The following RTN1 variants were observed in gnomAD, a reference collection of about 807,000 sequenced individuals.
RTN1 encodes the protein reticulon-1.
RTN1 carries 25 observed loss-of-function variants against 65.5 expected under a neutral mutation model. That is an observed-to-expected ratio of 0.38 (90% confidence interval 0.28 to 0.53). The LOEUF (loss-of-function observed/expected upper bound fraction) is 0.53, where lower values mean the gene tolerates loss of function less well. RTN1 is among the 20% of genes least tolerant of loss of function. The pLI is 0.79. For missense variants in RTN1, 983 were observed against 1,025.4 expected, an observed-to-expected ratio of 0.96 and a Z score of 0.57; for synonymous variants, 471 against 447.6, an observed-to-expected ratio of 1.05 and a Z score of -0.66.
chr14:59,753,853 C>T (rs902690683), intron 1 of RTN1, among the ~76,000 whole-genome samples: 1 of 152,158 alleles, frequency 6.6e-6, no homozygotes, highest in African/African-American at 2.4e-5. Flanking sequence ...CTAGACATTG[C>T]CACATAACCA....
chr14:59,818,105 T>C (rs1886855468), intron 1 of RTN1, among the ~76,000 whole-genome samples: 1 of 152,194 alleles, frequency 6.6e-6, no homozygotes, highest in African/African-American at 2.4e-5. Flanking sequence ...TTAGCTCCCA[T>C]TTATAAGTAA....
chr14:59,615,697 C>G (rs1882082768), intron 3 of RTN1, among the ~76,000 whole-genome samples: 1 of 152,058 alleles, frequency 6.6e-6, no homozygotes, highest in Non-Finnish European at 1.5e-5. Flanking sequence ...CGAATGCAAA[C>G]ATGAAATATG....
chr14:59,674,731 C>A (rs1488445042), intron 3 of RTN1, among the ~76,000 whole-genome samples: 2 of 152,010 alleles, frequency 1.3e-5, no homozygotes, highest in African/African-American at 4.8e-5. Flanking sequence ...AAAGAAAAAA[C>A]CTGGACATTG....
intron 1 of RTN1, among the ~76,000 whole-genome samples, chr14:59,856,260 G>C (rs1887606120): frequency 6.6e-6 from 1 of 152,156 alleles, no homozygotes; most frequent in African/African-American, 2.4e-5. Flanking sequence ...CATCTTTCTA[G>C]AGCAATCATG....
At chr14:59,812,267 G>C (rs968272926) in intron 1 of RTN1, among the ~76,000 whole-genome samples, 1 of 152,046 alleles carries the variant, frequency 6.6e-6, no homozygotes, top group South Asian at 2.1e-4. Flanking sequence ...GGAAAATGAG[G>C]GTAAAAGACA....
At chr14:59,750,467 A>AAT (rs368067344) in intron 1 of RTN1, among the ~76,000 whole-genome samples, 1 of 63,952 alleles carries the variant, frequency 1.6e-5, no homozygotes, top group Admixed American at 3.0e-4. Flanking sequence ...ATATATCTAT[A>AAT]ATATATAATA....
Position 59,816,557 on chromosome 14 carries a change from C to T in RTN1, c.241+53833G>A, listed in dbSNP as rs1886825061. 6.6e-6 allele frequency among the ~76,000 whole-genome samples: 1 copy of T among 152,202 alleles called. No individual in the cohort carries two copies. The highest frequency in any genetic ancestry group is 6.5e-5 in the Admixed American group (1 of 15,300). On this transcript the variant is annotated intron_variant, in intron 1 of 8. Coordinates refer to ENST00000267484, the MANE Select transcript of RTN1 (RefSeq NM_021136.3). The surrounding 1 kb of genome is among the most constrained non-coding windows in gnomAD (Gnocchi z 4.3). ...GAGTTTTGAGATGGAGGATTCAAACCAGGAAATCAGGCTGTGATCAACATC... is the reference window on the plus strand; with the variant it reads ...GAGTTTTGAGATGGAGGATTCAAACTAGGAAATCAGGCTGTGATCAACATC...
At chr14:59,740,302 G>T (rs1453854455) in intron 2 of RTN1, among the ~76,000 whole-genome samples, 1 of 152,114 alleles carries the variant, frequency 6.6e-6, no homozygotes, top group African/African-American at 2.4e-5. Context: ...GCTCAAAACT[G>T]CCCTCAGAAA....
chr14:59,678,042 T>C (rs1566682327), intron 3 of RTN1, among the ~76,000 whole-genome samples: 1 of 152,192 alleles, frequency 6.6e-6, no homozygotes, highest in East Asian at 1.9e-4. Flanking sequence ...TAGTCAAAGC[T>C]ATTTACAACA....
chr14:59,678,171 G>T (rs1883667760), intron 3 of RTN1, among the ~76,000 whole-genome samples: 1 of 152,166 alleles, frequency 6.6e-6, no homozygotes, highest in African/African-American at 2.4e-5. Context: ...CTGGGGTCTG[G>T]AGGATTTGGA....
At position 59,820,661 on chromosome 14, in the gene RTN1, G is replaced by A. The variant is rs964042740; in HGVS notation, c.241+49729C>T. ...CCCAGCACCATTTATTGAATAGAGTGCTTTCCCCATTGCATGTTGTATTAG... is the reference window on the plus strand; with the variant it reads ...CCCAGCACCATTTATTGAATAGAGTACTTTCCCCATTGCATGTTGTATTAG... On this transcript the variant is annotated intron_variant, in intron 1 of 8. Transcript: ENST00000267484. Among the ~76,000 whole-genome samples the A allele has an allele frequency of 1.2e-4, 18 of 152,156 alleles. 1 individual carries two copies. The highest frequency in any genetic ancestry group is 8.5e-4 in the Admixed American group (13 of 15,282).
intron 2 of RTN1, among the ~76,000 whole-genome samples, chr14:59,736,426 A>C (rs1220252491): frequency 1.3e-5 from 2 of 152,210 alleles, no homozygotes; most frequent in East Asian, 3.8e-4. Context: ...AAAATCTAGA[A>C]GAAATGGATA....
chr14:59,630,948 A>G lies in RTN1; in HGVS notation c.1766-23456T>C, dbSNP rs901891825. ...TTGACTCCCAGAATATGCGAGGTGC[A>G]TATTCTAGAAATTTCTGAGAAACCC... On this transcript the variant is annotated intron_variant, in intron 3 of 8. Transcript: ENST00000267484. 74 of 599,024 alleles carry G rather than the reference A, an allele frequency of 1.2e-4. 1 individual carries two copies. The African/African-American group carries it at 1.4e-3, about 11-fold the overall frequency. 37.1% of individuals were successfully genotyped at this position (599,024 alleles called of 1,614,324 possible). A position where few individuals can be genotyped will look rare whatever the true frequency, so the allele number is the denominator to read the frequency against.
intron 3 of RTN1, among the ~76,000 whole-genome samples, chr14:59,712,347 A>G (rs931902172): frequency 6.6e-6 from 1 of 152,224 alleles, no homozygotes; most frequent in Non-Finnish European, 1.5e-5. Flanking sequence ...TTATATCCAC[A>G]TATTATATTC....
At chr14:59,791,277 A>G (rs914443301) in intron 1 of RTN1, among the ~76,000 whole-genome samples, 2 of 152,122 alleles carry the variant, frequency 1.3e-5, no homozygotes, top group Admixed American at 6.6e-5. Flanking sequence ...CTGTCAAGAC[A>G]ATATAATTGT....
chr14:59,826,403 C>T (rs1194514017), intron 1 of RTN1, among the ~76,000 whole-genome samples: 2 of 152,162 alleles, frequency 1.3e-5, no homozygotes, highest in African/African-American at 4.8e-5. Flanking sequence ...GCACTCCATA[C>T]CTGTTAATGA....
intron 1 of RTN1, among the ~76,000 whole-genome samples, chr14:59,821,141 G>A (rs1594755910): frequency 1.3e-5 from 2 of 152,192 alleles, no homozygotes; most frequent in Admixed American, 6.5e-5. Context: ...TCCTGTGCAT[G>A]ATCATGAAAT....
chr14:59,855,585 T>C (rs1887589737), intron 1 of RTN1, among the ~76,000 whole-genome samples: 1 of 152,238 alleles, frequency 6.6e-6, no homozygotes, highest in African/African-American at 2.4e-5. Flanking sequence ...TAATATGGTG[T>C]CGATTGTCTT....
intron 3 of RTN1, among the ~76,000 whole-genome samples, chr14:59,687,176 C>T (rs1309648616): frequency 6.6e-6 from 1 of 152,228 alleles, no homozygotes; most frequent in African/African-American, 2.4e-5. Flanking sequence ...GTGTCCCAGC[C>T]TGCTCCCCTG....
Sources: gnomAD v4.1 joint callset for allele counts (sites outside exome capture counted in the v4.1 genomes callset) on GRCh38, gnomAD v4.1.1 for gene constraint, Gnocchi (gnomAD v3.1) non-coding constraint, MANE v1.5 for transcripts, NCBI Gene and HGNC (gene_info 2026-07-23, HGNC 2026-07-21) for gene names.